ABCB1: variants seen among roughly 807,000 people sequenced by gnomAD.
ABCB1 encodes ATP binding cassette subfamily B member 1, also known as ATP-dependent translocase ABCB1.
A neutral mutation model predicts 142.0 loss-of-function variants in ABCB1; 69 were observed. That is an observed-to-expected ratio of 0.49 (90% confidence interval 0.40 to 0.59). The LOEUF (loss-of-function observed/expected upper bound fraction) is 0.59, where lower values mean the gene tolerates loss of function less well. ABCB1 is among the 20% of genes least tolerant of loss of function. The pLI, the probability that ABCB1 is intolerant of heterozygous loss-of-function variation, is 0.00. For missense variants in ABCB1, 1,326 were observed against 1,554.7 expected (o/e 0.85, Z 2.47); for synonymous variants, 532 against 539.2 (o/e 0.99, Z 0.18).
chr7:87,520,380 G>C (rs1452344350), intron 22 of ABCB1, among the ~76,000 whole-genome samples: 4 of 152,038 alleles, frequency 2.6e-5, no homozygotes, highest in Non-Finnish European at 4.4e-5. Context: ...CTGGAGAAGG[G>C]GTAAAAAGCA....
intron 4 of ABCB1, among the ~76,000 whole-genome samples, chr7:87,574,197 G>T (rs1272165284): frequency 6.6e-6 from 1 of 152,050 alleles, no homozygotes; most frequent in Non-Finnish European, 1.5e-5. Context: ...AATCTCCTTG[G>T]ACCTAGAGAG....
At chr7:87,706,069 G>T (rs1362425901) in intron 1 of ABCB1, among the ~76,000 whole-genome samples, 3 of 152,178 alleles carry the variant, frequency 2.0e-5, no homozygotes, top group South Asian at 2.1e-4. Context: ...GGCTTTCTTA[G>T]GTTTCTGGTT....
intron 4 of ABCB1, among the ~76,000 whole-genome samples, chr7:87,583,146 T>C (rs1818589074): frequency 6.6e-6 from 1 of 152,328 alleles, no homozygotes; most frequent in East Asian, 1.9e-4. Flanking sequence ...TGAAAGCCTG[T>C]TGATAATAAC....
chr7:87,579,295 G>C (rs528797009), intron 4 of ABCB1, among the ~76,000 whole-genome samples: 5 of 151,960 alleles, frequency 3.3e-5, no homozygotes, highest in Admixed American at 3.3e-4. Context: ...TCCTTGTCTT[G>C]TTCCAGATCT....
In ABCB1 at chr7:87,519,241, A is replaced by G. The variant is rs1256917656; in HGVS notation, c.2927+85T>C. The G allele has an allele frequency of 2.9e-6, 4 of 1,358,418 alleles. No individual in the cohort carries two copies. In the East Asian group the frequency reaches 7.0e-5, roughly 24 times the overall value. 84.1% of individuals were successfully genotyped at this position (1,358,418 alleles called of 1,614,324 possible). ...CACCAGAATCTCTTCATGAGGCTTC[A>G]CAGTAGGGTTTCCTATCTAGACATG... is the stretch of plus-strand genomic sequence containing the variant. On this transcript the variant is annotated intron_variant, in intron 23 of 27. Transcript: ENST00000622132.
intron 23 of ABCB1, among the ~76,000 whole-genome samples, chr7:87,517,986 T>G (rs1815326810): frequency 6.6e-6 from 1 of 152,236 alleles, no homozygotes; most frequent in East Asian, 1.9e-4. Context: ...GAAATATTGC[T>G]AAAAACTCCT....
intron 1 of ABCB1, among the ~76,000 whole-genome samples, chr7:87,642,927 C>G (rs2130307699): frequency 6.6e-6 from 1 of 151,868 alleles, no homozygotes; most frequent in African/African-American, 2.4e-5. Context: ...TAAAATTTTC[C>G]TTTTTAGAGA....
At chr7:87,591,803 TA>T (rs1266933715) in intron 3 of ABCB1, among the ~76,000 whole-genome samples, 4 of 151,922 alleles carry the variant, frequency 2.6e-5, no homozygotes, top group East Asian at 1.9e-4. Context: ...TGCATGAGAA[TA>T]AAAAAAATTT....
intron 20 of ABCB1, among the ~76,000 whole-genome samples, chr7:87,535,170 C>T (rs1251696182): frequency 6.6e-6 from 1 of 152,092 alleles, no homozygotes; most frequent in Non-Finnish European, 1.5e-5. Context: ...CCCCTTCGGC[C>T]TATTCACACA....
chr7:87,576,555 C>G (rs916236384), intron 4 of ABCB1, among the ~76,000 whole-genome samples: 2 of 151,316 alleles, frequency 1.3e-5, no homozygotes, highest in African/African-American at 4.8e-5. Context: ...AAGAACAAGA[C>G]CCAGCAAATA....
At chr7:87,507,762 A>G (rs535783254) in intron 26 of ABCB1, among the ~76,000 whole-genome samples, 38 of 152,276 alleles carry the variant, frequency 2.5e-4, no homozygotes, top group Admixed American at 1.9e-3. Context: ...AAAGAGCATA[A>G]CTGGTGATAA....
At chr7:87,653,491 A>G (rs1823782766) in intron 1 of ABCB1, among the ~76,000 whole-genome samples, 1 of 152,078 alleles carries the variant, frequency 6.6e-6, no homozygotes, top group African/African-American at 2.4e-5. Context: ...CAATCTACTC[A>G]ACAGTATTTC....
chr7:87,700,445 A>G, intron 1 of ABCB1: 1 of 1,612,136 alleles, frequency 6.2e-7, no homozygotes, highest in Non-Finnish European at 8.5e-7. Context: ...TTTGGTTATG[A>G]AAGTCCTCGT....
intron 1 of ABCB1, among the ~76,000 whole-genome samples, chr7:87,690,084 C>A (rs1442393422): frequency 2.0e-5 from 3 of 151,992 alleles, no homozygotes; most frequent in African/African-American, 7.2e-5. Context: ...TCTGCTTCCA[C>A]CTCCTAAAGG....
intron 2 of ABCB1, among the ~76,000 whole-genome samples, chr7:87,597,406 A>G (rs1421373040): frequency 6.6e-6 from 1 of 152,086 alleles, no homozygotes. Flanking sequence ...TTACAATCCC[A>G]TGTTAAAATA....
intron 25 of ABCB1, among the ~76,000 whole-genome samples, chr7:87,510,010 A>G (rs1814933873): frequency 1.3e-5 from 2 of 152,150 alleles, no homozygotes; most frequent in South Asian, 4.1e-4. Context: ...AAAACAGATC[A>G]TCCTTTGGAG....
intron 7 of ABCB1, among the ~76,000 whole-genome samples, chr7:87,563,819 G>A (rs1817674009): frequency 6.6e-6 from 1 of 152,118 alleles, no homozygotes; most frequent in African/African-American, 2.4e-5. Context: ...AGACACCATG[G>A]AATACTATGC....
intron 1 of ABCB1, among the ~76,000 whole-genome samples, chr7:87,626,411 CAT>C (rs10600040): frequency 0.015 from 279 of 18,064 alleles, 104 homozygotes; most frequent in Non-Finnish European, 0.017. Context: ...ATGTATGTGT[CAT>C]ATATATGTGT....
intron 5 of ABCB1, among the ~76,000 whole-genome samples, chr7:87,569,508 T>A (rs978486036): frequency 6.6e-6 from 1 of 152,076 alleles, no homozygotes; most frequent in Non-Finnish European, 1.5e-5. Flanking sequence ...TTCCCCAGTG[T>A]GAGTTAAGAA....
Sources: allele counts gnomAD v4.1 joint callset (sites outside exome capture counted in the v4.1 genomes callset), GRCh38; gene constraint gnomAD v4.1.1; transcripts MANE v1.5; gene names NCBI Gene and HGNC (gene_info 2026-07-23, HGNC 2026-07-21).